Variants in ANKS1B observed in about 807,000 individuals in gnomAD.
The protein encoded by ANKS1B is ankyrin repeat and sterile alpha motif domain containing 1B, also known as ankyrin repeat and sterile alpha motif domain-containing protein 1B.
In ANKS1B, 36 loss-of-function variants were observed where a neutral mutation model predicts 148.3. The observed-to-expected ratio is 0.24, with a 90% confidence interval of 0.19 to 0.32. The LOEUF (loss-of-function observed/expected upper bound fraction) is 0.32. Ranked by LOEUF, ANKS1B falls within the 10% of genes least tolerant of loss-of-function variation. The pLI, the probability that ANKS1B is intolerant of heterozygous loss-of-function variation, is 1.00. For missense variants in ANKS1B, 1,157 were observed against 1,542.6 expected, an observed-to-expected ratio of 0.75 and a Z score of 4.19; for synonymous variants, 542 against 560.8, an observed-to-expected ratio of 0.97 and a Z score of 0.47.
intron 17 of ANKS1B, among the ~76,000 whole-genome samples, chr12:98,975,133 C>A (rs1176681129): frequency 7.0e-6 from 1 of 142,960 alleles, no homozygotes; most frequent in East Asian, 2.1e-4. Context: ...TTTCCTTCCT[C>A]TCTTCTTCTT....
intron 10 of ANKS1B, among the ~76,000 whole-genome samples, chr12:99,464,662 C>T (rs950660997): frequency 1.9e-4 from 29 of 152,066 alleles, no homozygotes; most frequent in East Asian, 3.9e-4. Context: ...CCTCAGGAGC[C>T]GATGCGATCA....
At chr12:99,239,262 A>T (rs1217137718) in intron 14 of ANKS1B, among the ~76,000 whole-genome samples, 3 of 152,226 alleles carry the variant, frequency 2.0e-5, no homozygotes, top group Non-Finnish European at 4.4e-5. Context: ...CAAGAACCTC[A>T]TGATGCATGC....
chr12:99,798,170 C>T (rs550509792), intron 4 of ANKS1B, among the ~76,000 whole-genome samples: 13 of 151,574 alleles, frequency 8.6e-5, no homozygotes, highest in Non-Finnish European at 1.8e-4. Flanking sequence ...AGATAAAGAC[C>T]GATTCTTGAT....
At chr12:99,871,865 G>A (rs1320863678) in intron 1 of ANKS1B, among the ~76,000 whole-genome samples, 2 of 152,092 alleles carry the variant, frequency 1.3e-5, no homozygotes, top group African/African-American at 4.8e-5. Context: ...AGGAGAGACA[G>A]TTTGACTTCT....
intron 9 of ANKS1B, among the ~76,000 whole-genome samples, chr12:99,557,232 A>C (rs116192964): frequency 0.014 from 2,060 of 152,228 alleles, 53 homozygotes; most frequent in African/African-American, 0.047. Flanking sequence ...GATGTTGGAA[A>C]CATTTTCATG....
At chr12:99,444,627 G>T (rs879669672) in intron 10 of ANKS1B, among the ~76,000 whole-genome samples, 80 of 151,802 alleles carry the variant, frequency 5.3e-4, no homozygotes, top group Non-Finnish European at 1.0e-3. Context: ...ATAACTTCTG[G>T]TAGCACATAG....
chr12:99,979,856 A>T (rs1473388482), intron 1 of ANKS1B, among the ~76,000 whole-genome samples: 4 of 152,066 alleles, frequency 2.6e-5, no homozygotes, highest in African/African-American at 9.6e-5. Flanking sequence ...CCATGAGTAA[A>T]GACTGTTACT....
chr12:99,461,439 G>A (rs2095967396), intron 10 of ANKS1B, among the ~76,000 whole-genome samples: 1 of 149,200 alleles, frequency 6.7e-6, no homozygotes, highest in Non-Finnish European at 1.5e-5. Context: ...TAAAAAAAAA[G>A]AAGAAGAAAA....
chr12:99,930,636 C>T (rs545288109), intron 1 of ANKS1B, among the ~76,000 whole-genome samples: 2 of 152,144 alleles, frequency 1.3e-5, no homozygotes, highest in East Asian at 1.9e-4. Flanking sequence ...ATCAAAACCA[C>T]AATGAGATAC....
intron 1 of ANKS1B, among the ~76,000 whole-genome samples, chr12:99,979,324 T>C (rs1346605378): frequency 6.6e-6 from 1 of 151,980 alleles, no homozygotes. Flanking sequence ...AGAAAAGAGG[T>C]GTAACAGTTC....
rs550740299 is a variant in ANKS1B at position 99,481,318 on chromosome 12, G to A, written c.1438+23158C>T. 2.0e-5 allele frequency among the ~76,000 whole-genome samples: 3 copies of A among 151,828 alleles called. No homozygotes were observed. In the South Asian group the frequency reaches 6.2e-4, roughly 31 times the overall value. On this transcript the variant is annotated intron_variant, in intron 10 of 26. Transcript: ENST00000683438. ...CCTGTGTTACCTCACTTAGAATAAT[G>A]GCCTCTAGCTTCATGCAAATTGATG... is the stretch of plus-strand genomic sequence containing the variant.
chr12:99,592,084 T>C (rs1274772994), intron 9 of ANKS1B, among the ~76,000 whole-genome samples: 1 of 152,172 alleles, frequency 6.6e-6, no homozygotes, highest in African/African-American at 2.4e-5. Context: ...AAGTACAGCA[T>C]GCTATTATAC....
Position 99,404,941 on chromosome 12 carries a change from T to C in ANKS1B, c.1576-5130A>G, listed in dbSNP as rs1465890088. Among the ~76,000 whole-genome samples, 2 of 146,154 alleles carry C rather than the reference T, an allele frequency of 1.4e-5. 1 individual carries two copies. The highest frequency in any genetic ancestry group is 3.0e-5 in the Non-Finnish European group (2 of 66,092). On this transcript the variant is annotated intron_variant, in intron 11 of 26. Transcript: ENST00000683438. The stretch of plus-strand genomic sequence containing the variant: ...CAAATAACGTACAATGAAGCTCCAA[T>C]ATGCTTGGCAGCAGATTTCTCAGTA...
intron 14 of ANKS1B, among the ~76,000 whole-genome samples, chr12:99,226,633 G>GA (rs1269354507): frequency 6.6e-6 from 1 of 152,190 alleles, no homozygotes; most frequent in Non-Finnish European, 1.5e-5. Flanking sequence ...CTACAGCAGA[G>GA]AAAACCAGTG....
intron 1 of ANKS1B, among the ~76,000 whole-genome samples, chr12:99,907,199 G>T (rs1449425848): frequency 6.6e-6 from 1 of 152,154 alleles, no homozygotes; most frequent in African/African-American, 2.4e-5. Flanking sequence ...ACTGTCAGGG[G>T]AAGTCACTGA....
intron 24 of ANKS1B, among the ~76,000 whole-genome samples, chr12:98,773,445 T>G (rs1374341939): frequency 6.6e-6 from 1 of 152,176 alleles, no homozygotes; most frequent in Non-Finnish European, 1.5e-5. Flanking sequence ...GCAGTCTGGG[T>G]GGCGGCCACT....
intron 10 of ANKS1B, among the ~76,000 whole-genome samples, chr12:99,493,341 T>G (rs1420484618): frequency 2.0e-5 from 3 of 152,180 alleles, no homozygotes; most frequent in Non-Finnish European, 4.4e-5. Flanking sequence ...AAATTCACAT[T>G]TCTACAAAGA....
chr12:99,621,885 T>C (rs1388623223), intron 9 of ANKS1B, among the ~76,000 whole-genome samples: 1 of 151,886 alleles, frequency 6.6e-6, no homozygotes, highest in African/African-American at 2.4e-5. Flanking sequence ...GACTTCAATT[T>C]GACACTTGAC....
intron 1 of ANKS1B, among the ~76,000 whole-genome samples, chr12:99,897,452 A>G (rs1012095185): frequency 4.0e-5 from 6 of 151,262 alleles, no homozygotes; most frequent in African/African-American, 1.2e-4. Flanking sequence ...AGTCATCCTC[A>G]GTGGCTACCT....
Sources: allele counts gnomAD v4.1 joint callset (sites outside exome capture counted in the v4.1 genomes callset), GRCh38; gene constraint gnomAD v4.1.1; transcripts MANE v1.5; gene names NCBI Gene and HGNC (gene_info 2026-07-23, HGNC 2026-07-21).